The following TEX11 variants were observed in gnomAD, a reference collection of about 807,000 sequenced individuals.
TEX11 encodes the protein testis-expressed protein 11.
TEX11 carries 7 observed loss-of-function variants against 84.4 expected under a neutral mutation model. The observed-to-expected ratio is 0.08, with a 90% CI of 0.05 to 0.16. TEX11 has a LOEUF of 0.16. Among genes scored for constraint, TEX11 ranks in the 10% least tolerant of loss-of-function variants. The pLI, the probability that TEX11 is intolerant of heterozygous loss-of-function variation, is 1.00. For missense variants in TEX11, 551 were observed against 660.5 expected (o/e 0.83, Z 1.82); for synonymous variants, 264 against 222.8 (o/e 1.18, Z -1.64).
intron 25 of TEX11, among the ~76,000 whole-genome samples, chrX:70,585,171 G>A (rs73540790): frequency 0.084 from 9,376 of 111,672 alleles, 854 homozygotes; most frequent in African/African-American, 0.27. Flanking sequence ...CTACAAATTC[G>A]GCAAAGTTGC....
the TEX11 span, among the ~76,000 whole-genome samples, chrX:70,511,752 CAAAAAAAAAAA>C: frequency 5.8e-3 from 191 of 32,734 alleles, 12 homozygotes; most frequent in East Asian, 0.099. Flanking sequence ...GACTCCATCT[CAAAAAAAAAAA>C]AAAAAAAAAA....
At chrX:70,883,391 C>G (rs756760458) in intron 2 of TEX11, among the ~76,000 whole-genome samples, 2 of 111,327 alleles carry the variant, frequency 1.8e-5, no homozygotes, top group East Asian at 5.7e-4. Context: ...CGAGACTACC[C>G]TGGGCAATAT....
intron 8 of TEX11, among the ~76,000 whole-genome samples, chrX:70,819,906 A>G (rs184628548): frequency 1.5e-4 from 17 of 111,745 alleles, no homozygotes; most frequent in Non-Finnish European, 2.1e-4. Context: ...AGCATCAATG[A>G]AGGAAATTAA....
intron 2 of TEX11, among the ~76,000 whole-genome samples, chrX:70,890,042 C>T (rs993269990): frequency 9.0e-6 from 1 of 111,325 alleles, no homozygotes; most frequent in Non-Finnish European, 1.9e-5. Context: ...AAGAAACACA[C>T]TTCACATATA....
chrX:70,877,679 A>T (rs191358010), intron 3 of TEX11, among the ~76,000 whole-genome samples: 1 of 112,347 alleles, frequency 8.9e-6, no homozygotes, highest in Admixed American at 9.4e-5. Flanking sequence ...ACACACATAC[A>T]ATGGATTATT....
chrX:70,864,032 G>T (rs997131710), intron 4 of TEX11, among the ~76,000 whole-genome samples: 8 of 111,551 alleles, frequency 7.2e-5, no homozygotes, highest in African/African-American at 2.6e-4. Context: ...CAAGATGAGA[G>T]AAAAAAGAGT....
chrX:70,667,083 G>T (rs775177809), intron 16 of TEX11, among the ~76,000 whole-genome samples: 2 of 112,150 alleles, frequency 1.8e-5, no homozygotes, highest in Non-Finnish European at 3.8e-5. Flanking sequence ...CATTTTAAGT[G>T]CCTGAAATAA....
intron 3 of TEX11, among the ~76,000 whole-genome samples, chrX:70,877,362 A>AT (rs2091661098): frequency 9.0e-6 from 1 of 111,502 alleles, no homozygotes; most frequent in African/African-American, 3.3e-5. Context: ...ACTACTATCA[A>AT]TAAAAAAACA....
At chrX:70,640,216 A>G (rs2089635619) in intron 17 of TEX11, among the ~76,000 whole-genome samples, 1 of 108,870 alleles carries the variant, frequency 9.2e-6, no homozygotes, top group Non-Finnish European at 1.9e-5. Context: ...GAAAGTTTAG[A>G]GAAAAAAGAA....
chrX:70,679,846 C>A (rs868320316), intron 14 of TEX11, among the ~76,000 whole-genome samples: 1 of 82,463 alleles, frequency 1.2e-5, no homozygotes, highest in Non-Finnish European at 2.7e-5. Flanking sequence ...GTCAGCCCCC[C>A]GCCCGGCCAG....
In TEX11 at chrX:70,592,396, T is replaced by C. The variant is rs1327517571; in HGVS notation, c.2068-573A>G. Among the ~76,000 whole-genome samples the C allele has an allele frequency of 3.6e-5, 4 of 111,610 alleles. No homozygotes were observed. The East Asian group carries it at 8.5e-4, about 24-fold the overall frequency. Reference sequence around the variant, plus strand: ...TCCAGTTTCTGGGCTAGGGATTCTCTGAAGGGCCAGAATGCTGGCACTTCT... The same window carrying C: ...TCCAGTTTCTGGGCTAGGGATTCTCCGAAGGGCCAGAATGCTGGCACTTCT... On this transcript the variant is annotated intron_variant, in intron 24 of 29. Transcript: ENST00000374333.
intron 8 of TEX11, among the ~76,000 whole-genome samples, chrX:70,827,605 C>T (rs370764033): frequency 9.0e-6 from 1 of 111,549 alleles, no homozygotes; most frequent in Admixed American, 9.5e-5. Flanking sequence ...TAGCAGAACA[C>T]CCCATGGACC....
At chrX:70,670,548 G>A (rs751981941) in intron 15 of TEX11, 34 bp from the exon 16 acceptor site, 3 of 1,171,076 alleles carry the variant, frequency 2.6e-6, no homozygotes, top group African/African-American at 3.5e-5. Context: ...AAATCACAGC[G>A]ATGTCGCTAC....
At position 70,530,033 on chromosome X, in the gene TEX11, A is replaced by G. The variant is rs775111134; in HGVS notation, c.2521-34T>C. On this transcript the variant is annotated intron_variant, in intron 28 of 29. Transcript: ENST00000374333. Reference sequence around the variant, plus strand: ...CAAGAACAGAAATTTTGCAGTTATTACTGTCACAGTTCATTGTGGCACTAC... The same window carrying G: ...CAAGAACAGAAATTTTGCAGTTATTGCTGTCACAGTTCATTGTGGCACTAC... The G allele has an allele frequency of 4.4e-6, 5 of 1,131,272 alleles. No homozygotes were observed. The Admixed American group carries it at 1.1e-4, about 25-fold the overall frequency. The allele number at this position is 1,131,272 out of a possible 1,213,427, so 93.2% of individuals were successfully genotyped here.
intron 3 of TEX11, among the ~76,000 whole-genome samples, chrX:70,876,415 A>G (rs1320515888): frequency 1.8e-5 from 2 of 111,894 alleles, no homozygotes; most frequent in African/African-American, 6.5e-5. Context: ...GATAAGATAA[A>G]CTATGACTGT....
Position 70,645,963 on chromosome X carries a change from C to T in TEX11, c.1483+5487G>A, listed in dbSNP as rs1925230. On this transcript the variant is annotated intron_variant, in intron 17 of 29. Coordinates refer to ENST00000374333, the MANE Select transcript of TEX11 (RefSeq NM_031276.3). ...AAGCAAAAAGACCCTGACTAGCTAT[C>T]GCAATCTTGAGCAAAAATAAGAAAG... 5.7e-3 allele frequency among the ~76,000 whole-genome samples: 630 copies of T among 110,683 alleles called. 3 individuals carry two copies. Among genetic ancestry groups the T allele is most frequent in the Middle Eastern group, 0.033 (7 of 211 alleles).
At chrX:70,559,071 C>A (rs977745247) in intron 25 of TEX11, among the ~76,000 whole-genome samples, 2 of 111,892 alleles carry the variant, frequency 1.8e-5, no homozygotes, top group Non-Finnish European at 3.8e-5. Context: ...CCTAGGTATA[C>A]ACACACAAAA....
chrX:70,602,467 T>C (rs1280297077), intron 24 of TEX11, among the ~76,000 whole-genome samples: 2 of 103,904 alleles, frequency 1.9e-5, no homozygotes, highest in Admixed American at 1.0e-4. Flanking sequence ...ATTATCTCAA[T>C]AGATGCAGAA....
At chrX:70,710,510 G>A (rs1007977818) in intron 13 of TEX11, among the ~76,000 whole-genome samples, 3 of 110,206 alleles carry the variant, frequency 2.7e-5, no homozygotes, top group South Asian at 3.9e-4. Flanking sequence ...GATAAATGGA[G>A]GGGTGATGAA....
Sources: gnomAD v4.1 joint callset for allele counts (sites outside exome capture counted in the v4.1 genomes callset) on GRCh38, gnomAD v4.1.1 for gene constraint, MANE v1.5 for transcripts, NCBI Gene and HGNC (gene_info 2026-07-23, HGNC 2026-07-21) for gene names.